Variants in ZNF385D observed in about 807,000 individuals in gnomAD.
ZNF385D encodes zinc finger protein 385D, also known as zinc finger protein 659.
Under a neutral mutation model 35.8 loss-of-function variants are expected in ZNF385D, and 15 were observed. That is an observed-to-expected ratio of 0.42 (90% CI 0.28 to 0.64). The LOEUF (loss-of-function observed/expected upper bound fraction) is 0.64, where lower values mean the gene tolerates loss of function less well. ZNF385D is among the 30% of genes least tolerant of loss of function. ZNF385D has a pLI of 0.23. For missense variants in ZNF385D, 474 were observed against 494.6 expected, an observed-to-expected ratio of 0.96 and a Z score of 0.39; for synonymous variants, 212 against 186.8, an observed-to-expected ratio of 1.13 and a Z score of -1.10.
At chr3:22,094,580 T>C (rs1042073029) in intron 3 of ZNF385D, among the ~76,000 whole-genome samples, 20 of 151,622 alleles carry the variant, frequency 1.3e-4, no homozygotes, top group African/African-American at 3.6e-4. Context: ...GAAGTGAATA[T>C]GAAGGGCCTG....
intron 3 of ZNF385D, among the ~76,000 whole-genome samples, chr3:22,050,206 A>G (rs1243014766): frequency 1.3e-5 from 2 of 151,952 alleles, no homozygotes; most frequent in African/African-American, 4.8e-5. Flanking sequence ...TTTAAAAAAA[A>G]AAAAAAGCAG....
Position 21,414,942 on chromosome 3 carries a change from T to C in ZNF385D, c.*6272A>G, listed in dbSNP as rs190496315. 136 of 152,202 alleles carry C rather than the reference T, an allele frequency of 8.9e-4. No homozygotes were observed. The highest frequency in any genetic ancestry group is 3.3e-3 in the African/African-American group (135 of 41,526). 9.4% of individuals were successfully genotyped at this position (152,202 alleles called of 1,614,324 possible). A position where few individuals can be genotyped will look rare whatever the true frequency, so the allele number is the denominator to read the frequency against. ...ATAACATCATAAGAGACATAAAGCA[T>C]CTCACGAAGGGTCTTTATCCAATAT... On this transcript the variant is annotated 3_prime_UTR_variant, in exon 8 of 8. Transcript: ENST00000281523.
intron 2 of ZNF385D, among the ~76,000 whole-genome samples, chr3:21,602,990 TCTTG>T (rs1464283313): frequency 1.3e-5 from 2 of 152,188 alleles, no homozygotes; most frequent in Non-Finnish European, 2.9e-5. Context: ...TCATACCCCC[TCTTG>T]CTTCTTTTAT....
intron 3 of ZNF385D, among the ~76,000 whole-genome samples, chr3:21,521,933 T>C (rs1213480014): frequency 6.6e-6 from 1 of 152,124 alleles, no homozygotes; most frequent in African/African-American, 2.4e-5. Context: ...GGCAAGAGCT[T>C]CACCAAATTC....
intron 2 of ZNF385D, among the ~76,000 whole-genome samples, chr3:22,331,118 A>G (rs1694915046): frequency 6.6e-6 from 1 of 152,218 alleles, no homozygotes; most frequent in Admixed American, 6.5e-5. Flanking sequence ...TTTACCATAA[A>G]TTGATTTAAG....
intron 2 of ZNF385D, among the ~76,000 whole-genome samples, chr3:21,633,995 A>T (rs2125841314): frequency 6.6e-6 from 1 of 152,142 alleles, no homozygotes. Context: ...CAGGAGTTCA[A>T]GAACAGCCTA....
intron 3 of ZNF385D, among the ~76,000 whole-genome samples, chr3:21,560,581 C>T (rs2062905997): frequency 1.3e-5 from 2 of 152,128 alleles, no homozygotes; most frequent in South Asian, 4.1e-4. Flanking sequence ...TGCCGGTCGG[C>T]CCCTACTGGG....
chr3:21,750,604 A>G (rs989471695), intron 1 of ZNF385D, among the ~76,000 whole-genome samples: 1 of 152,152 alleles, frequency 6.6e-6, no homozygotes, highest in African/African-American at 2.4e-5. Context: ...TCACCTAGCT[A>G]AAAGAGCCAA....
At chr3:22,029,619 A>C (rs1042790410) in intron 3 of ZNF385D, among the ~76,000 whole-genome samples, 3 of 152,162 alleles carry the variant, frequency 2.0e-5, no homozygotes, top group Non-Finnish European at 4.4e-5. Context: ...GCATATATAC[A>C]CTTGTACTAA....
chr3:21,677,924 T>C (rs1575444765), intron 1 of ZNF385D, among the ~76,000 whole-genome samples: 3 of 152,170 alleles, frequency 2.0e-5, no homozygotes, highest in Admixed American at 2.0e-4. Context: ...GTAAAAATCA[T>C]ATTATCTGTA....
chr3:21,745,385 C>G (rs1278272100), intron 1 of ZNF385D, among the ~76,000 whole-genome samples: 1 of 152,200 alleles, frequency 6.6e-6, no homozygotes, highest in East Asian at 1.9e-4. Context: ...AAGAGGGTTT[C>G]ATGAAAATAC....
intron 3 of ZNF385D, among the ~76,000 whole-genome samples, chr3:21,909,876 A>C (rs1397388799): frequency 6.6e-6 from 1 of 152,058 alleles, no homozygotes; most frequent in African/African-American, 2.4e-5. Context: ...AAAGTTTATA[A>C]GCCTAGCTTT....
intron 3 of ZNF385D, among the ~76,000 whole-genome samples, chr3:22,058,544 C>T (rs1023050312): frequency 2.0e-5 from 3 of 152,122 alleles, no homozygotes; most frequent in Admixed American, 6.5e-5. Flanking sequence ...ACATGAGAGG[C>T]AGATGAGATC....
At chr3:21,963,714 A>G (rs1702724390) in intron 3 of ZNF385D, among the ~76,000 whole-genome samples, 1 of 152,172 alleles carries the variant, frequency 6.6e-6, no homozygotes, top group Non-Finnish European at 1.5e-5. Context: ...GATTGGTGCA[A>G]AAGTAATTGT....
At chr3:21,927,277 T>C (rs1214413160) in intron 3 of ZNF385D, among the ~76,000 whole-genome samples, 2 of 152,074 alleles carry the variant, frequency 1.3e-5, no homozygotes, top group African/African-American at 4.8e-5. Context: ...AAATCTCTTT[T>C]TTTTTAATAT....
intron 2 of ZNF385D, among the ~76,000 whole-genome samples, chr3:22,269,593 G>C (rs936733084): frequency 6.6e-6 from 1 of 151,902 alleles, no homozygotes; most frequent in Non-Finnish European, 1.5e-5. Flanking sequence ...GGATATAAAT[G>C]ATACTCCAAG....
At position 21,865,583 on chromosome 3, in the gene ZNF385D, G is replaced by A. The variant is rs114956173; in HGVS notation, c.326-200555C>T. Among the ~76,000 whole-genome samples, 851 of 152,144 alleles carry A rather than the reference G, an allele frequency of 5.6e-3. 15 individuals are homozygous for A. Among genetic ancestry groups the A allele is most frequent in the African/African-American group, 0.02 (814 of 41,528 alleles). On this transcript the variant is annotated intron_variant, in intron 3 of 5. Coordinates refer to the ZNF385D transcript ENST00000494108. ...AATATTACAAAATAAATTTCAAAGCGTCATACATTGTATCTTTATCAAGAA... is the reference window on the plus strand; with the variant it reads ...AATATTACAAAATAAATTTCAAAGCATCATACATTGTATCTTTATCAAGAA...
chr3:22,227,193 G>C (rs576690980), intron 2 of ZNF385D, among the ~76,000 whole-genome samples: 4 of 151,828 alleles, frequency 2.6e-5, no homozygotes, highest in African/African-American at 7.3e-5. Flanking sequence ...GGGCGGGGGG[G>C]GTGTAGGTGC....
chr3:22,328,607 A>G (rs575678119), intron 2 of ZNF385D, among the ~76,000 whole-genome samples: 7 of 151,404 alleles, frequency 4.6e-5, no homozygotes, highest in Admixed American at 4.6e-4. Flanking sequence ...TACTAAAAAT[A>G]CAAAAATTAG....
Sources: allele counts gnomAD v4.1 joint callset (sites outside exome capture counted in the v4.1 genomes callset), GRCh38; gene constraint gnomAD v4.1.1; transcripts MANE v1.5; gene names NCBI Gene and HGNC (gene_info 2026-07-23, HGNC 2026-07-21).